Variants in ADGRF5 observed in about 807,000 individuals in gnomAD.
ADGRF5 encodes the protein G-protein coupled receptor 116.
ADGRF5 carries 75 observed loss-of-function variants against 132.3 expected under a neutral mutation model. The observed-to-expected ratio is 0.57, with a 90% CI of 0.47 to 0.69. ADGRF5 has a LOEUF of 0.69. Ranked by LOEUF, ADGRF5 falls within the 30% of genes least tolerant of loss-of-function variation. The pLI is 0.00. For synonymous variants in ADGRF5, 629 were observed against 597.6 expected, an observed-to-expected ratio of 1.05 and a Z score of -0.77; for missense variants, 1,516 against 1,630.6, an observed-to-expected ratio of 0.93 and a Z score of 1.21.
At chr6:46,909,406 C>T (rs978375888) in intron 1 of ADGRF5, among the ~76,000 whole-genome samples, 11 of 152,344 alleles carry the variant, frequency 7.2e-5, no homozygotes, top group African/African-American at 2.2e-4. Context: ...GAAATATGCC[C>T]TAGCCCTCAG....
At chr6:46,866,699 T>TA (rs1055639100) in intron 13 of ADGRF5, among the ~76,000 whole-genome samples, 41 of 150,484 alleles carry the variant, frequency 2.7e-4, no homozygotes, top group African/African-American at 9.3e-4. Context: ...TTCTCCCAAT[T>TA]AAAAAAAAAG....
intron 10 of ADGRF5, among the ~76,000 whole-genome samples, chr6:46,876,298 C>T (rs905853136): frequency 6.6e-6 from 1 of 152,226 alleles, no homozygotes; most frequent in African/African-American, 2.4e-5. Flanking sequence ...TAAGCATCTG[C>T]GCCACAGACT....
At chr6:46,953,944 T>C (rs1778624830) in intron 1 of ADGRF5, among the ~76,000 whole-genome samples, 1 of 151,828 alleles carries the variant, frequency 6.6e-6, no homozygotes, top group South Asian at 2.1e-4. Flanking sequence ...AATGAAACAA[T>C]AAAAACATAA....
intron 1 of ADGRF5, among the ~76,000 whole-genome samples, chr6:46,941,466 G>GAAAAGAAAAGAAAAGA (rs66918453): frequency 4.6e-4 from 13 of 28,038 alleles, no homozygotes; most frequent in African/African-American, 7.6e-4. Flanking sequence ...GAAAAGAAAA[G>GAAAAGAAAAGAAAAGA]AAAGAAAAGA....
chr6:46,855,535 A>C (rs1768942019), intron 20 of ADGRF5, among the ~76,000 whole-genome samples: 1 of 152,252 alleles, frequency 6.6e-6, no homozygotes, highest in African/African-American at 2.4e-5. Flanking sequence ...AGAACAAAAA[A>C]GGAAAACAAA....
intron 1 of ADGRF5, among the ~76,000 whole-genome samples, chr6:46,930,513 T>A (rs1777505074): frequency 6.6e-6 from 1 of 152,124 alleles, no homozygotes; most frequent in African/African-American, 2.4e-5. Context: ...ACAATGAGGG[T>A]AGAAAGAAGT....
At chr6:46,904,220 T>G (rs1775073913) in intron 2 of ADGRF5, among the ~76,000 whole-genome samples, 1 of 152,164 alleles carries the variant, frequency 6.6e-6, no homozygotes, top group Admixed American at 6.5e-5. Flanking sequence ...CATCACCCTT[T>G]AAAAGCCCTT....
At chr6:46,869,732 G>T (rs1296320586) in intron 11 of ADGRF5, among the ~76,000 whole-genome samples, 2 of 152,104 alleles carry the variant, frequency 1.3e-5, no homozygotes, top group Non-Finnish European at 2.9e-5. Flanking sequence ...ATATGAGTTG[G>T]TTTAAAAGTA....
intron 4 of ADGRF5, chr6:46,888,110 C>T (rs762769238): frequency 2.9e-4 from 130 of 454,678 alleles, no homozygotes; most frequent in Non-Finnish European, 5.0e-4. Flanking sequence ...TACAAACCAC[C>T]AAGCAAACCT....
intron 1 of ADGRF5, among the ~76,000 whole-genome samples, chr6:46,921,432 A>AG (rs1212289206): frequency 6.6e-6 from 1 of 151,952 alleles, no homozygotes; most frequent in Non-Finnish European, 1.5e-5. Context: ...GTTTGAAAAA[A>AG]AAAAAGTCTG....
Position 46,929,056 on chromosome 6 carries a change from G to A in ADGRF5, c.-24-22270C>T, listed in dbSNP as rs4714959. On this transcript the variant is annotated intron_variant, in intron 1 of 20. Transcript: ENST00000265417. ...ACACATGCACACGTAAGTTTATTGCGGCACTATTCACAATAGCAAAGACTT... is the reference window on the plus strand; with the variant it reads ...ACACATGCACACGTAAGTTTATTGCAGCACTATTCACAATAGCAAAGACTT... Among the ~76,000 whole-genome samples, 198 of 152,140 alleles carry A rather than the reference G, an allele frequency of 1.3e-3. 2 individuals carry two copies. Among genetic ancestry groups the A allele is most frequent in the Admixed American group, 0.011 (161 of 15,276 alleles).
At chr6:46,894,454 C>T (rs1300662778) in intron 3 of ADGRF5, among the ~76,000 whole-genome samples, 1 of 152,076 alleles carries the variant, frequency 6.6e-6, no homozygotes, top group Non-Finnish European at 1.5e-5. Context: ...GAATTCATTC[C>T]ACTAGATAGC....
chr6:46,894,915 A>G (rs1205538263), intron 3 of ADGRF5, among the ~76,000 whole-genome samples: 2 of 152,236 alleles, frequency 1.3e-5, no homozygotes, highest in Non-Finnish European at 2.9e-5. Flanking sequence ...GTGGAGGCTT[A>G]CGCCTGTAAT....
In ADGRF5 at chr6:46,895,109, G is replaced by A. The variant is rs763411049; in HGVS notation, c.157+4920C>T. 7.2e-5 allele frequency among the ~76,000 whole-genome samples: 11 copies of A among 152,026 alleles called. No individual in the cohort carries two copies. The East Asian group carries it at 1.2e-3, about 16-fold the overall frequency. On this transcript the variant is annotated intron_variant, in intron 3 of 20. Coordinates refer to ENST00000283296, the MANE Select transcript of ADGRF5 (RefSeq NM_001098518.2). ...GGAGAATTGCTTGAACCTGGGAGGCGGAGGTTGCAGTGAGCCGAGATCGCA... is the reference window on the plus strand; with the variant it reads ...GGAGAATTGCTTGAACCTGGGAGGCAGAGGTTGCAGTGAGCCGAGATCGCA...
intron 1 of ADGRF5, among the ~76,000 whole-genome samples, chr6:46,907,246 G>T (rs1331637065): frequency 6.6e-6 from 1 of 152,018 alleles, no homozygotes; most frequent in African/African-American, 2.4e-5. Context: ...GAAAACTGCT[G>T]GACTTGGTTA....
chr6:46,918,410 T>C (rs1378953590), intron 1 of ADGRF5, among the ~76,000 whole-genome samples: 1 of 152,122 alleles, frequency 6.6e-6, no homozygotes, highest in East Asian at 1.9e-4. Flanking sequence ...AACGTTATAA[T>C]TAAAAAACAT....
chr6:46,856,768 C>T lies in ADGRF5; in HGVS notation c.3826G>A (p.Ala1276Thr), dbSNP rs751537599. 2.5e-6 allele frequency: 4 copies of T among 1,592,322 alleles called. No individual in the cohort carries two copies. Among genetic ancestry groups the T allele is most frequent in the East Asian group, 2.2e-5 (1 of 44,756 alleles). The change falls in exon 19 of 21, where the codon GCT becomes ACT. Residue 1276 changes from alanine (A) to threonine (T), a missense_variant. Around this residue, in one of 2 missense-constraint regions of ADGRF5, gnomAD observed 571 missense variants for 701.2 expected, o/e 0.81. Transcript: ENST00000283296. ...GCLWDLKVQE[A>T]LLNKFSLSRW... ...GACAATGAAAACTTATTCAGCAAAGCTTCCTGTACCTGCATTGTTAAAAAG... is the reference window on the plus strand; with the variant it reads ...GACAATGAAAACTTATTCAGCAAAGTTTCCTGTACCTGCATTGTTAAAAAG...
chr6:46,859,577 A>G, intron 16 of ADGRF5, 54 bp from the exon 17 acceptor site: 2 of 1,148,712 alleles, frequency 1.7e-6, no homozygotes, highest in Non-Finnish European at 2.5e-6. Context: ...AATCATAAAA[A>G]AGAAAAAAAC....
At chr6:46,871,716 G>A in intron 11 of ADGRF5, 127 bp downstream of exon 11, 1 of 569,832 alleles carries the variant, frequency 1.8e-6, no homozygotes, top group Non-Finnish European at 3.1e-6. Flanking sequence ...TGTGTGATTT[G>A]CCCTAACCAC....
Sources: allele counts gnomAD v4.1 joint callset (sites outside exome capture counted in the v4.1 genomes callset), GRCh38; gene constraint gnomAD v4.1.1; regional missense constraint gnomAD v4.1.1; transcripts MANE v1.5; gene names NCBI Gene and HGNC (gene_info 2026-07-23, HGNC 2026-07-21).